QPCTL: variants seen among roughly 807,000 people sequenced by gnomAD.
The protein encoded by QPCTL is glutaminyl-peptide cyclotransferase like.
Under a neutral mutation model 34.6 loss-of-function variants are expected in QPCTL, and 31 were observed. The observed-to-expected ratio is 0.90, with a 90% confidence interval of 0.67 to 1.21. The LOEUF (loss-of-function observed/expected upper bound fraction) is 1.21, where lower values mean the gene tolerates loss of function less well. Ranked by LOEUF, QPCTL falls within the 50% of genes most tolerant of loss-of-function variation. The pLI, the probability that QPCTL is intolerant of heterozygous loss-of-function variation, is 0.00. For missense variants in QPCTL, 474 were observed against 507.8 expected (o/e 0.93, Z 0.64); for synonymous variants, 223 against 226.9 (o/e 0.98, Z 0.15).
In QPCTL at chr19:45,692,675, T is replaced by C; in HGVS notation, c.-29T>C. 1 of 1,485,746 alleles carries C rather than the reference T, an allele frequency of 6.7e-7. No homozygotes were observed. Among genetic ancestry groups the C allele is most frequent in the South Asian group, 1.3e-5 (1 of 75,522 alleles). The allele number at this position is 1,485,746 out of a possible 1,614,324, so 92.0% of individuals were successfully genotyped here. ...GGCTGGGCCTAAACTCAATCCGTGG[T>C]CTGGTACAGGTTTCAGGGCAAAGCG... On this transcript the variant is annotated 5_prime_UTR_variant, in exon 1 of 7. Transcript: ENST00000012049.
Position 45,698,914 on chromosome 19 carries a change from C to A in QPCTL, c.886+14C>A. On this transcript the variant is annotated intron_variant, in intron 5 of 6. Coordinates refer to ENST00000012049, the MANE Select transcript of QPCTL (RefSeq NM_017659.4). The stretch of plus-strand genomic sequence containing the variant: ...TGAGGAGCATTGGTAAGGGTGAATG[C>A]GGAGGTGGGCCCCAGCCCACCTGGG... The A allele has an allele frequency of 6.2e-7, 1 of 1,609,542 alleles. No individual in the cohort carries two copies. The highest frequency in any genetic ancestry group is 8.5e-7 in the Non-Finnish European group (1 of 1,176,494).
At chr19:45,696,083 C>T (rs1183678542) in intron 3 of QPCTL, among the ~76,000 whole-genome samples, 1 of 151,994 alleles carries the variant, frequency 6.6e-6, no homozygotes, top group Non-Finnish European at 1.5e-5. Flanking sequence ...TTTCCTCTCC[C>T]CCAAACCCTC....
At chr19:45,699,776 C>T (rs758120148) in intron 5 of QPCTL, among the ~76,000 whole-genome samples, 3 of 151,830 alleles carry the variant, frequency 2.0e-5, no homozygotes, top group Admixed American at 6.6e-5. Context: ...ACTAAAAATA[C>T]AAAAAGTTAG....
rs1230914474 is a variant in QPCTL at position 45,703,736 on chromosome 19, C to G, written c.*687C>G. 6.6e-6 allele frequency: 1 copy of G among 151,928 alleles called. No individual in the cohort carries two copies. 9.4% of individuals were successfully genotyped at this position (151,928 alleles called of 1,614,324 possible). ...GAGAGGCTGAGGGGGAAGGATCACCCGAGGTCAGGAGTTTGAGACCAGCCT... is the reference window on the plus strand; with the variant it reads ...GAGAGGCTGAGGGGGAAGGATCACCGGAGGTCAGGAGTTTGAGACCAGCCT... On this transcript the variant is annotated 3_prime_UTR_variant, in exon 7 of 7. Transcript: ENST00000012049.
intron 3 of QPCTL, among the ~76,000 whole-genome samples, chr19:45,696,939 A>G (rs1967708459): frequency 6.6e-6 from 1 of 151,644 alleles, no homozygotes; most frequent in African/African-American, 2.4e-5. Flanking sequence ...CTTGTCCAAC[A>G]GGGAAACCTC....
Position 45,695,442 on chromosome 19 carries a change from G to A in QPCTL, c.357G>A (p.Leu119=). The change falls in exon 3 of 7, where the codon CTG becomes CTA. Residue 119 remains leucine, a synonymous_variant. Coordinates refer to ENST00000012049, the MANE Select transcript of QPCTL (RefSeq NM_017659.4). ...SPGNLQVRKF[L]EATLRSLTAG... is the part of the protein sequence containing the mutation. ...CACCTCTCTCTTGCCGCTAGTTCCT[G>A]GAGGCCACGCTGCGGTCCCTGACAG... The A allele has an allele frequency of 6.2e-7, 1 of 1,609,300 alleles. No individual in the cohort carries two copies. Among genetic ancestry groups the A allele is most frequent in the Non-Finnish European group, 8.5e-7 (1 of 1,176,754 alleles).
intron 5 of QPCTL, among the ~76,000 whole-genome samples, chr19:45,701,037 G>C (rs1967800500): frequency 6.6e-6 from 1 of 151,196 alleles, no homozygotes; most frequent in South Asian, 2.1e-4. Flanking sequence ...GAGTGACCAA[G>C]GCAGGAAGAT....
intron 5 of QPCTL, among the ~76,000 whole-genome samples, chr19:45,700,079 G>T (rs2146131232): frequency 6.6e-6 from 1 of 150,378 alleles, no homozygotes; most frequent in Middle Eastern, 3.5e-3. Context: ...CCAGCCTGGG[G>T]ACAGAGTGAG....
intron 5 of QPCTL, among the ~76,000 whole-genome samples, chr19:45,700,978 G>C (rs1285575008): frequency 7.1e-6 from 1 of 140,162 alleles, no homozygotes; most frequent in Non-Finnish European, 1.5e-5. Flanking sequence ...AAAAAAAAAA[G>C]GCCGGAGGGC....
In QPCTL at chr19:45,701,928, G is replaced by A. The variant is rs748726579; in HGVS notation, c.1003+14G>A. 6.3e-7 allele frequency: 1 copy of A among 1,592,228 alleles called. No individual in the cohort carries two copies. Among genetic ancestry groups the A allele is most frequent in the South Asian group, 1.1e-5 (1 of 90,484 alleles). ...TCCTCCGCAGAGGTACCAGCTGCAG[G>A]GAGGGATGGAGGGTGGGTGTCCAAG... On this transcript the variant is annotated intron_variant, in intron 6 of 6. Coordinates refer to ENST00000012049, the MANE Select transcript of QPCTL (RefSeq NM_017659.4).
rs147372393 is a variant in QPCTL at position 45,693,535 on chromosome 19, G to A, written c.330G>A (p.Pro110=). 78 of 1,611,844 alleles carry A rather than the reference G, an allele frequency of 4.8e-5. No homozygotes were observed. In the African/African-American group the frequency reaches 1.0e-3, roughly 21 times the overall value. ...TGGTTGTGCGAACCCCGGGCAGCCC[G>A]GGAAATCTCCAAGTCAGAAAGGTAA... is the stretch of plus-strand genomic sequence containing the variant. ...PLLVVRTPGS[P]GNLQVRKFLE... The change falls in exon 2 of 7, where the codon CCG becomes CCA. Residue 110 remains proline (P), a synonymous_variant. Transcript: ENST00000012049.
In QPCTL at chr19:45,698,842, C is replaced by G. The variant is rs774246175; in HGVS notation, c.828C>G (p.Pro276=). The change falls in exon 5 of 7, where the codon CCC becomes CCG. Residue 276 remains proline, a synonymous_variant. Coordinates refer to ENST00000012049, the MANE Select transcript of QPCTL (RefSeq NM_017659.4). ...TTGATCTCCTGGGAGCCCCCAATCC[C>G]ACCTTCTACAGCCACTTCCCTCGCA... is the stretch of plus-strand genomic sequence containing the variant. The part of the protein sequence containing the change: ...MLLDLLGAPN[P]TFYSHFPRTV... 71 of 1,613,936 alleles carry G rather than the reference C, an allele frequency of 4.4e-5. No individual in the cohort carries two copies. The African/African-American group carries it at 4.8e-4, about 11-fold the overall frequency.
intron 3 of QPCTL, among the ~76,000 whole-genome samples, chr19:45,697,436 A>AG (rs1323280900): frequency 6.6e-6 from 1 of 151,510 alleles, no homozygotes; most frequent in African/African-American, 2.4e-5. Flanking sequence ...AAAAAAAAAA[A>AG]AAAGAAAGAA....
intron 5 of QPCTL, among the ~76,000 whole-genome samples, chr19:45,699,437 A>C (rs562191423): frequency 2.6e-5 from 4 of 151,996 alleles, no homozygotes; most frequent in Non-Finnish European, 5.9e-5. Flanking sequence ...ATAGTGAGCC[A>C]AGATTGCGCC....
chr19:45,692,937 C>T, intron 1 of QPCTL, 27 bp downstream of exon 1: 1 of 1,526,634 alleles, frequency 6.6e-7, no homozygotes, highest in Non-Finnish European at 8.8e-7. Flanking sequence ...ACCCGGGCAC[C>T]GCGGGGACCC....
In QPCTL at chr19:45,703,945, T is replaced by G. The variant is rs971081850; in HGVS notation, c.*896T>G. The G allele has an allele frequency of 6.7e-6, 1 of 148,548 alleles. No individual in the cohort carries two copies. The highest frequency in any genetic ancestry group is 2.5e-5 in the African/African-American group (1 of 40,244). The allele number at this position is 148,548 out of a possible 1,614,324, so 9.2% of individuals were successfully genotyped here. ...TCCAGCCTGGGCAACAGAGCGAGAC[T>G]CCATCTCAATAAATAAATAAATAAA... On this transcript the variant is annotated 3_prime_UTR_variant, in exon 7 of 7. Coordinates refer to ENST00000012049, the MANE Select transcript of QPCTL (RefSeq NM_017659.4).
intron 2 of QPCTL, among the ~76,000 whole-genome samples, chr19:45,693,805 T>G (rs950058532): frequency 4.6e-5 from 7 of 152,128 alleles, no homozygotes; most frequent in African/African-American, 1.4e-4. Context: ...CAATATGATC[T>G]TCATTATGCA....
chr19:45,701,855 T>C lies in QPCTL; in HGVS notation c.944T>C (p.Phe315Ser). The change falls in exon 6 of 7, where the codon TTC becomes TCC. Residue 315 changes from phenylalanine (F) to serine (S), a missense_variant. Coordinates refer to ENST00000012049, the MANE Select transcript of QPCTL (RefSeq NM_017659.4). ...LQSHPQEVMY[F>S]QPGEPFGSVE... Reference sequence around the variant, plus strand: ...TCTCATCCCCAGGAAGTGATGTACTTCCAACCCGGGGAGCCCTTTGGCTCT... The same window carrying C: ...TCTCATCCCCAGGAAGTGATGTACTCCCAACCCGGGGAGCCCTTTGGCTCT... 6.2e-7 allele frequency: 1 copy of C among 1,614,060 alleles called. No homozygotes were observed. Among genetic ancestry groups the C allele is most frequent in the African/African-American group, 1.3e-5 (1 of 75,042 alleles).
Position 45,703,080 on chromosome 19 carries a change from G to C in QPCTL, c.*31G>C. 6.8e-6 allele frequency: 11 copies of C among 1,613,578 alleles called. No individual in the cohort carries two copies. Among genetic ancestry groups the C allele is most frequent in the Non-Finnish European group, 7.6e-6 (9 of 1,179,522 alleles). On this transcript the variant is annotated 3_prime_UTR_variant, in exon 7 of 7. Transcript: ENST00000012049. The stretch of plus-strand genomic sequence containing the variant: ...TTGGCCAATGACTGTGGAGAGGACT[G>C]TGAGAGAGAAGGTCCCAGCGGGGGC...
Sources: allele counts gnomAD v4.1 joint callset (sites outside exome capture counted in the v4.1 genomes callset), GRCh38; gene constraint gnomAD v4.1.1; transcripts MANE v1.5; gene names NCBI Gene and HGNC (gene_info 2026-07-23, HGNC 2026-07-21).